CAMTA2: variants seen among roughly 807,000 people sequenced by gnomAD.
CAMTA2 encodes calmodulin binding transcription activator 2.
A neutral mutation model predicts 135.7 loss-of-function variants in CAMTA2; 56 were observed. The ratio of observed to expected loss-of-function variants is 0.41; its 90% CI spans 0.33 to 0.52. CAMTA2 has a LOEUF of 0.52. CAMTA2 is among the 20% of genes least tolerant of loss of function. The pLI is 0.16. For synonymous variants in CAMTA2, 591 were observed against 604.6 expected, an observed-to-expected ratio of 0.98 and a Z score of 0.33; for missense variants, 1,358 against 1,553.4, an observed-to-expected ratio of 0.87 and a Z score of 2.11.
Position 4,969,857 on chromosome 17 carries a change from C to T in CAMTA2, c.3189+45G>A, listed in dbSNP as rs201387430. 4 of 1,605,376 alleles carry T rather than the reference C, an allele frequency of 2.5e-6. No homozygotes were observed. The highest frequency in any genetic ancestry group is 1.3e-5 in the African/African-American group (1 of 74,786). On this transcript the variant is annotated intron_variant, in intron 18 of 22. Coordinates refer to ENST00000348066, the MANE Select transcript of CAMTA2 (RefSeq NM_015099.4). This position sits in a 1 kb window ranked among gnomAD's most constrained non-coding sequence, Gnocchi z 5.6. ...AAAAGCCCTGGGAGCCCAGTCTCCC[C>T]TGACTGGAGATTGTGTAATTCATCC...
chr17:4,982,539 A>C (rs1344605361), intron 5 of CAMTA2, among the ~76,000 whole-genome samples: 1 of 152,202 alleles, frequency 6.6e-6, no homozygotes, highest in East Asian at 1.9e-4. Context: ...TCTGGAAGGG[A>C]GGCATGGCCT....
rs1405223397 is a variant in CAMTA2 at position 4,972,399 on chromosome 17, G to C, written c.2641C>G (p.Pro881Ala). 6.2e-7 allele frequency: 1 copy of C among 1,614,130 alleles called. No homozygotes were observed. The highest frequency in any genetic ancestry group is 8.5e-7 in the Non-Finnish European group (1 of 1,179,990). Reference sequence around the variant, plus strand: ...GGGACACCAGAGGAAAGCTGGCCTGGGGCCATGTCCTCCATAGTCATCTCA... The same window carrying C: ...GGGACACCAGAGGAAAGCTGGCCTGCGGCCATGTCCTCCATAGTCATCTCA... The part of the protein sequence containing the change: ...ASEMTMEDMA[P>A]GQLSSGVPEA... The change falls in exon 16 of 23, where the codon CCA becomes GCA. Residue 881 changes from proline (P) to alanine (A), a missense_variant. By Grantham distance (27) the Pro-to-Ala change is conservative. This residue lies in a region of CAMTA2 where 1,077 missense variants were observed against 1,127.5 expected (regional missense o/e 0.96). Coordinates refer to ENST00000348066, the MANE Select transcript of CAMTA2 (RefSeq NM_015099.4).
Position 4,987,661 on chromosome 17 carries a change from C to T in CAMTA2, c.-133G>A. On this transcript the variant is annotated 5_prime_UTR_variant, in exon 1 of 23. Transcript: ENST00000348066. ...CCACACCGACCCCCCCCAGCGCCGG[C>T]TGACAGCGGCGTCTAACGTCACTGC... 6.6e-7 allele frequency: 1 copy of T among 1,519,990 alleles called. No individual in the cohort carries two copies. Among genetic ancestry groups the T allele is most frequent in the Non-Finnish European group, 8.8e-7 (1 of 1,138,552 alleles). 94.2% of individuals were successfully genotyped at this position (1,519,990 alleles called of 1,614,324 possible).
chr17:4,970,902 C>G (rs1972243278), intron 16 of CAMTA2, among the ~76,000 whole-genome samples: 1 of 152,214 alleles, frequency 6.6e-6, no homozygotes, highest in African/African-American at 2.4e-5. Flanking sequence ...AGCTCCCTTT[C>G]AACTCTCCAA....
At position 4,980,661 on chromosome 17, in the gene CAMTA2, C is replaced by T. The variant is rs1972907843; in HGVS notation, c.701-40G>A. On this transcript the variant is annotated intron_variant, in intron 8 of 22. Coordinates refer to ENST00000348066, the MANE Select transcript of CAMTA2 (RefSeq NM_015099.4). This position sits in a 1 kb window ranked among gnomAD's most constrained non-coding sequence, Gnocchi z 5.3. The stretch of plus-strand genomic sequence containing the variant: ...AGTAGGAGGGAGAGGAGATAAGACA[C>T]ATCATTCCGCACCTTCTCTACCTTG... 3 of 1,460,758 alleles carry T rather than the reference C, an allele frequency of 2.1e-6. No homozygotes were observed. The highest frequency in any genetic ancestry group is 2.9e-6 in the Non-Finnish European group (3 of 1,043,786). 90.5% of individuals were successfully genotyped at this position (1,460,758 alleles called of 1,614,324 possible).
chr17:4,986,898 C>T, intron 1 of CAMTA2: 40 of 1,382,586 alleles, frequency 2.9e-5, no homozygotes, highest in Non-Finnish European at 3.8e-5. Flanking sequence ...GCCCTCTCTA[C>T]GTAGCTCCCT....
chr17:4,969,403 C>T lies in CAMTA2; in HGVS notation c.3283-66G>A, dbSNP rs1322360400. On this transcript the variant is annotated intron_variant, in intron 20 of 22. Transcript: ENST00000348066. This position sits in a 1 kb window ranked among gnomAD's most constrained non-coding sequence, Gnocchi z 5.6. ...GACGGAGACCCAAAGCCCTGAGGCT[C>T]ACCCAAGTTAGGCTGATGCAAGACT... The T allele has an allele frequency of 2.5e-6, 4 of 1,608,512 alleles. No individual in the cohort carries two copies. The highest frequency in any genetic ancestry group is 3.4e-6 in the Non-Finnish European group (4 of 1,174,992).
chr17:4,986,532 GA>G, intron 1 of CAMTA2: 1 of 521,698 alleles, frequency 1.9e-6, no homozygotes, highest in Non-Finnish European at 3.4e-6. Flanking sequence ...GGGGAGCGGG[GA>G]GAAGACTGGC....
chr17:4,971,682 C>A (rs898641802), intron 16 of CAMTA2, among the ~76,000 whole-genome samples: 40 of 137,260 alleles, frequency 2.9e-4, no homozygotes, highest in African/African-American at 1.1e-3. Context: ...TTAAATCTTA[C>A]TATTTTGTCT....
Position 4,974,471 on chromosome 17 carries a change from G to A in CAMTA2, c.1930C>T (p.Arg644Ter), listed in dbSNP as rs147496832. ...DNQFRMSILE[R>*]LEQMEKRMAE... ...ATCCGCTTCTCCATCTGCTCCAGTC[G>A]CTCTAGTATGGACATCCGGAACTGG... Residue 644 changes from arginine (R) to a stop codon, truncating the protein, a stop_gained, in exon 12 of 23, where the codon CGA becomes TGA. Coordinates refer to ENST00000348066, the MANE Select transcript of CAMTA2 (RefSeq NM_015099.4). LOFTEE classifies it high-confidence loss of function. 2 of 1,613,680 alleles carry A rather than the reference G, an allele frequency of 1.2e-6. No homozygotes were observed. Among genetic ancestry groups the A allele is most frequent in the Non-Finnish European group, 1.7e-6 (2 of 1,179,738 alleles).
rs748662460 is a variant in CAMTA2, at chr17:4,980,145, C to G, written c.1177G>C (p.Gly393Arg). ...GGGAAGTCTGGGCTTACTCCCTGCC[C>G]CCCTCCATATGTCTGGCCCCTCTGG... ...SPQRGQTYGG[G>R]QGVSPDFPEA... is the part of the protein sequence containing the mutation. Residue 393 changes from glycine (G) to arginine (R), a missense_variant, in exon 9 of 23, where the codon GGG (glycine) becomes CGG (arginine). Around this residue, in one of 4 missense-constraint regions of CAMTA2, gnomAD observed 1,077 missense variants for 1,127.5 expected, o/e 0.96. Transcript: ENST00000348066. This position sits in a 1 kb window ranked among gnomAD's most constrained non-coding sequence, Gnocchi z 5.3. The G allele has an allele frequency of 2.5e-6, 4 of 1,592,896 alleles. No individual in the cohort carries two copies. The highest frequency in any genetic ancestry group is 3.4e-6 in the Non-Finnish European group (4 of 1,168,650).
In CAMTA2 at chr17:4,972,931, G is replaced by A; in HGVS notation, c.2341C>T (p.Gln781Ter). 6.2e-7 allele frequency: 1 copy of A among 1,613,794 alleles called. No homozygotes were observed. Among genetic ancestry groups the A allele is most frequent in the Non-Finnish European group, 8.5e-7 (1 of 1,180,010 alleles). The change falls in exon 15 of 23, where the codon CAG (glutamine) becomes TAG (stop). Residue 781 changes from glutamine to a stop codon, truncating the protein, a stop_gained. Coordinates refer to ENST00000348066, the MANE Select transcript of CAMTA2 (RefSeq NM_015099.4). LOFTEE classifies it high-confidence loss of function. ...AGAGAGTCGGGAATGCTCAGTGCCT[G>A]TCGGTTCCAACGGAAAAGGAGCACA... is the stretch of plus-strand genomic sequence containing the variant. ...AAVLLFRWNRQALSIPDSLGR... is the reference protein window; with the variant it reads ...AAVLLFRWNR
rs758405970 is a variant in CAMTA2 at position 4,980,586 on chromosome 17, T to C, written c.736A>G (p.Lys246Glu). The C allele has an allele frequency of 1.9e-6, 3 of 1,613,918 alleles. No individual in the cohort carries two copies. The African/African-American group carries it at 4.0e-5, about 22-fold the overall frequency. Residue 246 changes from lysine to glutamate, a missense_variant, in exon 9 of 23, where the codon AAA becomes GAA. By Grantham distance (56) the Lys-to-Glu change is moderately conservative. Transcript: ENST00000348066. The surrounding 1 kb of genome is among the most constrained non-coding windows in gnomAD (Gnocchi z 5.3). ...GSLTHKCSST[K>E]HRIISPKVEP... Reference sequence around the variant, plus strand: ...ACTTTGGGAGAGATGATGCGGTGTTTCGTGCTGCTGCATTTGTGGGTAAGG... The same window carrying C: ...ACTTTGGGAGAGATGATGCGGTGTTCCGTGCTGCTGCATTTGTGGGTAAGG...
chr17:4,985,850 G>A, intron 3 of CAMTA2, 30 bp downstream of exon 3: 2 of 1,479,004 alleles, frequency 1.4e-6, no homozygotes, highest in East Asian at 2.3e-5. Flanking sequence ...AGGTCTTGCT[G>A]GGCCCCAACC....
chr17:4,985,806 G>T, intron 3 of CAMTA2, 74 bp downstream of exon 3: 2 of 909,300 alleles, frequency 2.2e-6, no homozygotes, highest in African/African-American at 1.6e-5. Flanking sequence ...GACAGACACG[G>T]AAAGACCCCC....
intron 1 of CAMTA2, chr17:4,987,024 C>G: frequency 7.0e-7 from 1 of 1,426,826 alleles, no homozygotes; most frequent in Admixed American, 3.1e-5. Flanking sequence ...CTGGCGGAGG[C>G]TCTCAGCACG....
rs769703430 is a variant in CAMTA2 at position 4,980,306 on chromosome 17, G to C, written c.1016C>G (p.Thr339Arg). ...CTGTGGAGCCAAGTGCCTGGTGGGC[G>C]TCAAGCCTCCAGCCCGCTGCTCCAG... is the stretch of plus-strand genomic sequence containing the variant. ...TGLEQRAGGL[T>R]PTRHLAPQAD... Residue 339 changes from threonine to arginine, a missense_variant, in exon 9 of 23, where the codon ACG (threonine) becomes AGG (arginine). By Grantham distance (71) the Thr-to-Arg change is moderately conservative (BLOSUM62 -1). Around this residue, in one of 4 missense-constraint regions of CAMTA2, gnomAD observed 1,077 missense variants for 1,127.5 expected, o/e 0.96. Coordinates refer to ENST00000348066, the MANE Select transcript of CAMTA2 (RefSeq NM_015099.4). This position sits in a 1 kb window ranked among gnomAD's most constrained non-coding sequence, Gnocchi z 5.3. 1 of 1,612,310 alleles carries C rather than the reference G, an allele frequency of 6.2e-7. No individual in the cohort carries two copies.
At chr17:4,984,185 C>T (rs1156553397) in intron 3 of CAMTA2, among the ~76,000 whole-genome samples, 6 of 150,002 alleles carry the variant, frequency 4.0e-5, no homozygotes, top group Admixed American at 2.0e-4. Context: ...CTCCCGACCT[C>T]GTGATCCACC....
In CAMTA2 at chr17:4,980,538, T is replaced by A; in HGVS notation, c.784A>T (p.Thr262Ser). 6.2e-7 allele frequency: 1 copy of A among 1,611,840 alleles called. No homozygotes were observed. Among genetic ancestry groups the A allele is most frequent in the Non-Finnish European group, 8.5e-7 (1 of 1,178,748 alleles). ...GGGGGGTGAGCGTGGGGGATAGAGG[T>A]CAGGGTTAAAGCTCGGGGCTCCACT... is the stretch of plus-strand genomic sequence containing the variant. Reference protein sequence around the residue: ...PKVEPRALTLTSIPHAHPPEP... With the variant: ...PKVEPRALTLSSIPHAHPPEP... Residue 262 changes from threonine to serine, a missense_variant, in exon 9 of 23, where the codon ACC (threonine) becomes TCC (serine). By Grantham distance (58) the Thr-to-Ser change is moderately conservative. Coordinates refer to ENST00000348066, the MANE Select transcript of CAMTA2 (RefSeq NM_015099.4). The surrounding 1 kb of genome is among the most constrained non-coding windows in gnomAD (Gnocchi z 5.3).
Sources: allele counts gnomAD v4.1 joint callset (sites outside exome capture counted in the v4.1 genomes callset), GRCh38; gene constraint gnomAD v4.1.1; regional missense constraint gnomAD v4.1.1; non-coding constraint Gnocchi (gnomAD v3.1); transcripts MANE v1.5; gene names NCBI Gene and HGNC (gene_info 2026-07-23, HGNC 2026-07-21).